The following DDX21 variants were observed in gnomAD, a reference collection of about 807,000 sequenced individuals.
DDX21 encodes the protein nucleolar RNA helicase 2.
In DDX21, 18 loss-of-function variants were observed where a neutral mutation model predicts 90.0. The ratio of observed to expected loss-of-function variants is 0.20; its 90% CI spans 0.14 to 0.30. The LOEUF (loss-of-function observed/expected upper bound fraction) is 0.30, where lower values mean the gene tolerates loss of function less well. Ranked by LOEUF, DDX21 falls within the 10% of genes least tolerant of loss-of-function variation. The pLI, the probability that DDX21 is intolerant of heterozygous loss-of-function variation, is 1.00. For missense variants in DDX21, 673 were observed against 944.5 expected (o/e 0.71, Z 3.77); for synonymous variants, 294 against 318.0 (o/e 0.92, Z 0.80).
intron 5 of DDX21, 90 bp downstream of exon 5, chr10:68,965,584 T>C (rs1477504232): frequency 3.2e-6 from 3 of 945,872 alleles, no homozygotes; most frequent in Non-Finnish European, 3.3e-6. Context: ...ATCTGGCTTC[T>C]CTATATAGGA....
At chr10:68,972,626 G>A (rs546634510) in intron 9 of DDX21, among the ~76,000 whole-genome samples, 2 of 152,270 alleles carry the variant, frequency 1.3e-5, no homozygotes, top group Non-Finnish European at 2.9e-5. Context: ...TGAAGACTAT[G>A]AATTCACCAA....
At chr10:68,975,248 G>A (rs1427920358) in intron 11 of DDX21, among the ~76,000 whole-genome samples, 2 of 152,136 alleles carry the variant, frequency 1.3e-5, no homozygotes, top group East Asian at 1.9e-4. Flanking sequence ...TGATTGCTTC[G>A]TTAATAGTAA....
intron 14 of DDX21, 127 bp downstream of exon 14, chr10:68,981,708 A>C: frequency 1.2e-6 from 1 of 853,210 alleles, no homozygotes; most frequent in African/African-American, 1.7e-5. Context: ...TCGATAATTA[A>C]ATTTTGGAAT....
intron 8 of DDX21, among the ~76,000 whole-genome samples, chr10:68,971,090 C>CT (rs1159234737): frequency 3.4e-5 from 5 of 144,994 alleles, no homozygotes; most frequent in Non-Finnish European, 6.0e-5. Flanking sequence ...CCATACCTGG[C>CT]TTTTTTTTTC....
At chr10:68,958,021 T>G (rs1477549094) in intron 1 of DDX21, among the ~76,000 whole-genome samples, 1 of 152,224 alleles carries the variant, frequency 6.6e-6, no homozygotes, top group Admixed American at 6.5e-5. Flanking sequence ...TCTTGTAACT[T>G]ATTTATTTTA....
chr10:68,964,764 C>T (rs1446940951), intron 4 of DDX21, among the ~76,000 whole-genome samples: 1 of 149,892 alleles, frequency 6.7e-6, no homozygotes, highest in Admixed American at 6.7e-5. Flanking sequence ...AGTGATCCTC[C>T]CGCCTCAACA....
intron 4 of DDX21, 90 bp from the exon 5 acceptor site, chr10:68,965,287 C>T (rs1363194747): frequency 8.2e-6 from 8 of 977,678 alleles, no homozygotes; most frequent in South Asian, 4.4e-5. Context: ...TTGTTCAAGT[C>T]GTTCTTTTCC....
At chr10:68,965,703 T>G (rs1317472454) in intron 5 of DDX21, among the ~76,000 whole-genome samples, 1 of 152,226 alleles carries the variant, frequency 6.6e-6, no homozygotes, top group East Asian at 1.9e-4. Flanking sequence ...TTTTATCTAT[T>G]TATATTTATC....
intron 13 of DDX21, among the ~76,000 whole-genome samples, chr10:68,980,813 A>T (rs1485699678): frequency 1.5e-5 from 2 of 131,684 alleles, no homozygotes; most frequent in East Asian, 2.4e-4. Context: ...TGGGTAATGT[A>T]GTGAGACCCT....
chr10:68,959,226 G>A (rs967487082), intron 1 of DDX21, among the ~76,000 whole-genome samples: 2 of 152,086 alleles, frequency 1.3e-5, no homozygotes, highest in African/African-American at 4.8e-5. Context: ...GGCCAAGCAC[G>A]GTGGCTCATG....
chr10:68,974,826 A>AC (rs1843072554), intron 11 of DDX21, 83 bp downstream of exon 11: 2 of 1,225,470 alleles, frequency 1.6e-6, no homozygotes, highest in African/African-American at 3.3e-5. Flanking sequence ...GATTTGACTT[A>AC]AAAAAATTTT....
chr10:68,972,584 A>G (rs1261852322), intron 9 of DDX21, among the ~76,000 whole-genome samples: 1 of 152,230 alleles, frequency 6.6e-6, no homozygotes, highest in African/African-American at 2.4e-5. Context: ...CCCCATGGTT[A>G]AAGGCTGCTT....
At chr10:68,966,357 G>A (rs973208851) in intron 5 of DDX21, among the ~76,000 whole-genome samples, 8 of 151,444 alleles carry the variant, frequency 5.3e-5, no homozygotes, top group African/African-American at 1.9e-4. Context: ...TTACAGGCGT[G>A]AGCCACCGTG....
At position 68,978,838 on chromosome 10, in the gene DDX21, T is replaced by C. The variant is rs1457573470; in HGVS notation, c.1903-4T>C. ...AATTTTATTCTCCTTTCTTGTGTTG[T>C]AAGGGTTTTGTGACCATGATCTTGC... On this transcript the variant is annotated splice_region_variant and splice_polypyrimidine_tract_variant and intron_variant, in intron 12 of 14. Transcript: ENST00000354185. The C allele has an allele frequency of 6.2e-6, 10 of 1,610,934 alleles. No individual in the cohort carries two copies. Among genetic ancestry groups the C allele is most frequent in the Non-Finnish European group, 8.5e-6 (10 of 1,178,078 alleles).
At position 68,981,554 on chromosome 10, in the gene DDX21, A is replaced by C; in HGVS notation, c.2055A>C (p.Val685=). Residue 685 remains valine, a synonymous_variant, in exon 14 of 15, where the codon GTA becomes GTC. Transcript: ENST00000354185. ...LKGKLGVCFD[V]PTASVTEIQE... Reference sequence around the variant, plus strand: ...ATTTCTAGGGTGTTTGCTTTGATGTACCTACCGCATCAGTAACAGAAATAC... The same window carrying C: ...ATTTCTAGGGTGTTTGCTTTGATGTCCCTACCGCATCAGTAACAGAAATAC... 1 of 1,613,028 alleles carries C rather than the reference A, an allele frequency of 6.2e-7. No homozygotes were observed. The highest frequency in any genetic ancestry group is 8.5e-7 in the Non-Finnish European group (1 of 1,179,664).
In DDX21 at chr10:68,984,539, A is replaced by G. The variant is rs182448266; in HGVS notation, c.*1727A>G. The G allele has an allele frequency of 7.0e-4, 107 of 152,300 alleles. No individual in the cohort carries two copies. Among genetic ancestry groups the G allele is most frequent in the African/African-American group, 2.6e-3 (107 of 41,572 alleles). 9.4% of individuals were successfully genotyped at this position (152,300 alleles called of 1,614,324 possible). A position where few individuals can be genotyped will look rare whatever the true frequency, so the allele number is the denominator to read the frequency against. ...AGCCATGGGTATTAGGTGACAGTGT[A>G]ATTTATTAGATTCTGGTTTTGCCCA... On this transcript the variant is annotated 3_prime_UTR_variant, in exon 15 of 15. Coordinates refer to ENST00000354185, the MANE Select transcript of DDX21 (RefSeq NM_004728.4).
At chr10:68,958,728 C>T (rs187338897) in intron 1 of DDX21, among the ~76,000 whole-genome samples, 6 of 152,258 alleles carry the variant, frequency 3.9e-5, no homozygotes, top group Admixed American at 6.5e-5. Flanking sequence ...TGAGCCACCG[C>T]GCCCAGCCTA....
intron 13 of DDX21, among the ~76,000 whole-genome samples, 194 bp from the exon 14 acceptor site, chr10:68,981,343 C>T (rs1041531230): frequency 1.3e-5 from 2 of 152,026 alleles, no homozygotes; most frequent in African/African-American, 4.8e-5. Flanking sequence ...TTTCAATGTT[C>T]CTTGTCTTTC....
rs533480367 is a variant in DDX21 at position 68,972,571 on chromosome 10, A to G, written c.1548+519A>G. ...CCCAAAATCTCACCCAAATTGGCAA[A>G]TCCCCCATGGTTAAAGGCTGCTTAC... On this transcript the variant is annotated intron_variant, in intron 9 of 14. Transcript: ENST00000354185. 5.3e-5 allele frequency among the ~76,000 whole-genome samples: 8 copies of G among 152,310 alleles called. No homozygotes were observed. The East Asian group carries it at 1.5e-3, about 29-fold the overall frequency.
Sources: gnomAD v4.1 joint callset for allele counts (sites outside exome capture counted in the v4.1 genomes callset) on GRCh38, gnomAD v4.1.1 for gene constraint, MANE v1.5 for transcripts, NCBI Gene and HGNC (gene_info 2026-07-23, HGNC 2026-07-21) for gene names.